Variants in XPO5 observed in about 807,000 individuals in gnomAD.
The protein encoded by XPO5 is exportin-5.
XPO5 carries 46 observed loss-of-function variants against 160.6 expected under a neutral mutation model. The ratio of observed to expected loss-of-function variants is 0.29; its 90% CI spans 0.23 to 0.37. The LOEUF is 0.37. Ranked by LOEUF, XPO5 falls within the 10% of genes least tolerant of loss-of-function variation. The pLI is 1.00. For synonymous variants in XPO5, 537 were observed against 519.3 expected, an observed-to-expected ratio of 1.03 and a Z score of -0.46; for missense variants, 1,090 against 1,463.9, an observed-to-expected ratio of 0.74 and a Z score of 4.17.
intron 26 of XPO5, chr6:43,527,331 G>A (rs1224730139): frequency 3.9e-6 from 1 of 256,320 alleles, no homozygotes; most frequent in East Asian, 9.8e-5. Context: ...GAGTGCAGTG[G>A]CGTGATTTCG....
At chr6:43,555,785 T>G (rs1395988160) in intron 13 of XPO5, 51 bp downstream of exon 13, 2 of 1,609,232 alleles carry the variant, frequency 1.2e-6, no homozygotes, top group East Asian at 4.5e-5. Context: ...TATATATAGT[T>G]TTGATACTGT....
At chr6:43,544,667 T>C (rs1794878559) in intron 20 of XPO5, among the ~76,000 whole-genome samples, 1 of 152,148 alleles carries the variant, frequency 6.6e-6, no homozygotes. Context: ...GGTTCACACT[T>C]GTAATGCTAG....
chr6:43,534,047 TG>T, intron 20 of XPO5, 40 bp from the exon 21 acceptor site: 4 of 1,487,880 alleles, frequency 2.7e-6, no homozygotes, highest in Non-Finnish European at 3.7e-6. Flanking sequence ...TTCCATCTGA[TG>T]CAGAAGGAAA....
intron 17 of XPO5, among the ~76,000 whole-genome samples, chr6:43,549,276 C>A (rs1405635859): frequency 6.6e-6 from 1 of 152,150 alleles, no homozygotes; most frequent in African/African-American, 2.4e-5. Flanking sequence ...GTTGTCCAGG[C>A]TGGTCCCGAA....
intron 25 of XPO5, 83 bp downstream of exon 25, chr6:43,528,076 C>T: frequency 1.4e-6 from 2 of 1,382,246 alleles, no homozygotes; most frequent in South Asian, 1.3e-5. Context: ...CCTGGGACAG[C>T]AGAATCCCTG....
rs1793258357 is a variant in XPO5 at position 43,522,590 on chromosome 6, G to A, written c.*1278C>T. The stretch of plus-strand genomic sequence containing the variant: ...AACCCAGAGCACCACACAGGAAGAG[G>A]GAGCAACACAAGACTCCCAACTTCT... On this transcript the variant is annotated 3_prime_UTR_variant, in exon 32 of 32. Coordinates refer to ENST00000265351, the MANE Select transcript of XPO5 (RefSeq NM_020750.3). 1 of 336,304 alleles carries A rather than the reference G, an allele frequency of 3.0e-6. No homozygotes were observed. Among genetic ancestry groups the A allele is most frequent in the South Asian group, 2.2e-5 (1 of 44,962 alleles). The allele number at this position is 336,304 out of a possible 1,614,324, so 20.8% of individuals were successfully genotyped here.
chr6:43,565,585 A>G, intron 8 of XPO5, 75 bp downstream of exon 8: 1 of 1,307,190 alleles, frequency 7.6e-7, no homozygotes, highest in African/African-American at 1.5e-5. Flanking sequence ...AAAAAAAAGA[A>G]CTTCAGATAA....
Position 43,523,321 on chromosome 6 carries a change from G to A in XPO5, c.*547C>T, listed in dbSNP as rs1793313373. On this transcript the variant is annotated 3_prime_UTR_variant, in exon 32 of 32. Coordinates refer to ENST00000265351, the MANE Select transcript of XPO5 (RefSeq NM_020750.3). Reference sequence around the variant, plus strand: ...ATTCTTGCCCAAAGCAAAGTTGAGAGAACTGACCAAGTTCTCTTCAGCACT... The same window carrying A: ...ATTCTTGCCCAAAGCAAAGTTGAGAAAACTGACCAAGTTCTCTTCAGCACT... 4.2e-6 allele frequency: 1 copy of A among 240,648 alleles called. No individual in the cohort carries two copies. The highest frequency in any genetic ancestry group is 5.5e-5 in the South Asian group (1 of 18,170). The allele number at this position is 240,648 out of a possible 1,614,324, so 14.9% of individuals were successfully genotyped here. A position where few individuals can be genotyped will look rare whatever the true frequency, so the allele number is the denominator to read the frequency against.
intron 20 of XPO5, among the ~76,000 whole-genome samples, chr6:43,542,585 G>T (rs1214082529): frequency 6.6e-6 from 1 of 151,612 alleles, no homozygotes; most frequent in Non-Finnish European, 1.5e-5. Context: ...AATTTTTTTT[G>T]TTGGTGGTGG....
chr6:43,534,133 G>T, intron 20 of XPO5, 126 bp from the exon 21 acceptor site: 1 of 601,958 alleles, frequency 1.7e-6, no homozygotes, highest in Admixed American at 2.8e-5. Flanking sequence ...GCAGGGGAAA[G>T]AAAAGAAGGT....
intron 13 of XPO5, chr6:43,554,907 T>G (rs2127737486): frequency 6.6e-6 from 1 of 152,102 alleles, no homozygotes; most frequent in East Asian, 1.9e-4. Context: ...ATGGTGCTTT[T>G]CTAAAGCAGT....
chr6:43,526,195 T>G (rs1793577193), intron 27 of XPO5: 2 of 462,174 alleles, frequency 4.3e-6, no homozygotes, highest in African/African-American at 3.9e-5. Flanking sequence ...TGGACAAATA[T>G]TTGAGCACCA....
In XPO5 at chr6:43,573,823, AT is replaced by A. The variant is rs111408497; in HGVS notation, c.106-223del. ...CTATTAAATATATATATATATATAT[AT>A]TTTTTTTTTTTTTTTTTGAGACGGA... On this transcript the variant is annotated intron_variant, in intron 1 of 31. Transcript: ENST00000265351. 0.027 allele frequency among the ~76,000 whole-genome samples: 3,404 copies of A among 126,000 alleles called. 74 individuals are homozygous for A. The highest frequency in any genetic ancestry group is 0.072 in the African/African-American group (2,202 of 30,532). The allele number at this position is 126,000 out of a possible 152,430, so 82.7% of individuals were successfully genotyped here.
rs1582188878 is a variant in XPO5 at position 43,523,865 on chromosome 6, G to A, written c.*3C>T. 2.5e-6 allele frequency: 4 copies of A among 1,613,884 alleles called. No homozygotes were observed. The highest frequency in any genetic ancestry group is 1.7e-5 in the Admixed American group (1 of 60,004). ...GCCGAGGAAGGATGCCCAAAAGCTT[G>A]ATTCAGGGTTCAAAGATGGTGGCCA... On this transcript the variant is annotated 3_prime_UTR_variant, in exon 32 of 32. Transcript: ENST00000265351.
chr6:43,565,955 A>G (rs1762674265), intron 7 of XPO5, among the ~76,000 whole-genome samples: 2 of 152,136 alleles, frequency 1.3e-5, no homozygotes, highest in Admixed American at 1.3e-4. Context: ...ATAAACTTAC[A>G]TTTTTAAATG....
At chr6:43,543,705 C>A (rs1794821547) in intron 20 of XPO5, among the ~76,000 whole-genome samples, 1 of 151,608 alleles carries the variant, frequency 6.6e-6, no homozygotes, top group African/African-American at 2.4e-5. Context: ...CGGAGTCTTC[C>A]CTGTTGCCCA....
chr6:43,552,254 C>T (rs527301192), intron 14 of XPO5, among the ~76,000 whole-genome samples: 36 of 152,012 alleles, frequency 2.4e-4, no homozygotes, highest in East Asian at 3.9e-4. Context: ...GACAGGGTTT[C>T]GCCATGTTGA....
intron 20 of XPO5, among the ~76,000 whole-genome samples, chr6:43,534,407 T>G (rs1794186437): frequency 6.6e-6 from 1 of 152,220 alleles, no homozygotes; most frequent in African/African-American, 2.4e-5. Flanking sequence ...TGCCCCATTT[T>G]TCAATGTTTT....
chr6:43,533,369 G>A (rs1338495897), intron 21 of XPO5: 1 of 152,632 alleles, frequency 6.6e-6, no homozygotes, highest in Non-Finnish European at 1.5e-5. Flanking sequence ...AATTGAAGAA[G>A]GGGTTAACGG....
Sources: allele counts gnomAD v4.1 joint callset (sites outside exome capture counted in the v4.1 genomes callset), GRCh38; gene constraint gnomAD v4.1.1; transcripts MANE v1.5; gene names NCBI Gene and HGNC (gene_info 2026-07-23, HGNC 2026-07-21).